The following SGF29 variants were observed in gnomAD, a reference collection of about 807,000 sequenced individuals.
SGF29 encodes SAGA-associated factor 29.
SGF29 carries 15 observed loss-of-function variants against 38.1 expected under a neutral mutation model. The observed-to-expected ratio is 0.39, with a 90% confidence interval of 0.26 to 0.61. The LOEUF is 0.61. SGF29 is among the 20% of genes least tolerant of loss of function. The probability of loss-of-function intolerance (pLI) is 0.49; values close to 1 mark genes in which losing one functional copy is unlikely to be tolerated. For synonymous variants in SGF29, 151 were observed against 160.8 expected, an observed-to-expected ratio of 0.94 and a Z score of 0.46; for missense variants, 184 against 394.6, an observed-to-expected ratio of 0.47 and a Z score of 4.52.
rs919262629 is a variant in SGF29 at position 28,585,646 on chromosome 16, A to G, written c.152-2A>G. ...CTCCTTATCCCTGTGTTTCCTCTGC[A>G]GTTTCTCCCTATTACCGGACAAAGC... is the stretch of plus-strand genomic sequence containing the variant. On this transcript the variant is annotated splice_acceptor_variant, in intron 3 of 9. Transcript: ENST00000317058. LOFTEE classifies it high-confidence loss of function. 4 of 1,614,020 alleles carry G rather than the reference A, an allele frequency of 2.5e-6. No homozygotes were observed. The highest frequency in any genetic ancestry group is 3.3e-5 in the Admixed American group (2 of 60,018).
chr16:28,554,317 C>G (rs372229245), intron 1 of SGF29, among the ~76,000 whole-genome samples: 1 of 151,628 alleles, frequency 6.6e-6, no homozygotes. Flanking sequence ...CCCGGCCGCT[C>G]GAGGTCTGCG....
chr16:28,560,951 ACT>A (rs982350727), intron 1 of SGF29, among the ~76,000 whole-genome samples: 5 of 135,260 alleles, frequency 3.7e-5, no homozygotes, highest in African/African-American at 5.3e-5. Context: ...ACAGAGCAAG[ACT>A]CTGTCTCAAA....
chr16:28,590,125 T>G lies in SGF29; in HGVS notation c.319T>G (p.Ser107Ala), dbSNP rs1159118899. 6.2e-7 allele frequency: 1 copy of G among 1,611,880 alleles called. No homozygotes were observed. The highest frequency in any genetic ancestry group is 8.5e-7 in the Non-Finnish European group (1 of 1,179,364). The change falls in exon 6 of 10, where the codon TCG (serine) becomes GCG (alanine). Residue 107 changes from serine to alanine, a missense_variant. By Grantham distance (99) the Ser-to-Ala change is moderately conservative. This residue lies in a region of SGF29 where 107 missense variants were observed against 276.9 expected (regional missense o/e 0.39). Coordinates refer to ENST00000317058, the MANE Select transcript of SGF29 (RefSeq NM_138414.3). This position sits in a 1 kb window ranked among gnomAD's most constrained non-coding sequence, Gnocchi z 8.2. ...AAKIAGLYND[S>A]EPPRKTMRRG... is the part of the protein sequence containing the mutation. ...CAAGATTGCCGGTCTCTACAATGACTCGGAGCCACCCCGGAAGACCATGCG... is the reference window on the plus strand; with the variant it reads ...CAAGATTGCCGGTCTCTACAATGACGCGGAGCCACCCCGGAAGACCATGCG...
chr16:28,589,430 G>T (rs1280478804), intron 5 of SGF29: 6 of 457,154 alleles, frequency 1.3e-5, no homozygotes, highest in Non-Finnish European at 2.4e-5. Flanking sequence ...GCCTGGGCCA[G>T]TCGCCCCCTC....
intron 1 of SGF29, among the ~76,000 whole-genome samples, chr16:28,555,256 G>A (rs1022563818): frequency 6.6e-6 from 1 of 152,038 alleles, no homozygotes; most frequent in Non-Finnish European, 1.5e-5. Context: ...CTGAGCTCAG[G>A]GGTTTGAGAC....
chr16:28,590,908 C>T lies in SGF29; in HGVS notation c.738C>T (p.Arg246=), dbSNP rs775308357. 3.0e-5 allele frequency: 48 copies of T among 1,612,294 alleles called. No individual in the cohort carries two copies. Among genetic ancestry groups the T allele is most frequent in the Middle Eastern group, 1.7e-4 (1 of 6,030 alleles). The change falls in exon 9 of 10, where the codon CGC becomes CGT. Residue 246 remains arginine, a synonymous_variant. Transcript: ENST00000317058. This position sits in a 1 kb window ranked among gnomAD's most constrained non-coding sequence, Gnocchi z 8.2. ...ATCCCCAGACTACCTGCTTCTACCG[C>T]GCCCTGATCCATGCGCCCCCACAGC... ...ALYPQTTCFY[R]ALIHAPPQRP... is the part of the protein sequence containing the mutation.
chr16:28,564,218 C>T (rs2046806768), intron 1 of SGF29, among the ~76,000 whole-genome samples: 1 of 151,984 alleles, frequency 6.6e-6, no homozygotes. Context: ...CAGTGCGGGA[C>T]TGGAAGTGTG....
At chr16:28,589,910 T>A (rs1427689884) in intron 5 of SGF29, among the ~76,000 whole-genome samples, 186 bp from the exon 6 acceptor site, 1 of 152,120 alleles carries the variant, frequency 6.6e-6, no homozygotes, top group Non-Finnish European at 1.5e-5. Flanking sequence ...CACCCAACTG[T>A]AGTTAAACCC....
chr16:28,564,777 A>ATATGTATATATG (rs1464271605), intron 1 of SGF29, among the ~76,000 whole-genome samples: 6 of 87,020 alleles, frequency 6.9e-5, no homozygotes, highest in Non-Finnish European at 1.4e-4. Context: ...ATATATGTAT[A>ATATGTATATATG]TATATATATA....
At chr16:28,583,500 T>C (rs2046938452) in intron 2 of SGF29, among the ~76,000 whole-genome samples, 1 of 152,238 alleles carries the variant, frequency 6.6e-6, no homozygotes, top group Admixed American at 6.5e-5. Context: ...AACCTCATTT[T>C]GCAGGTTGAG....
intron 1 of SGF29, among the ~76,000 whole-genome samples, chr16:28,573,852 G>A (rs1596602165): frequency 6.6e-6 from 1 of 152,200 alleles, no homozygotes; most frequent in Non-Finnish European, 1.5e-5. Flanking sequence ...GAGGAGAGAG[G>A]AGGTTTGAAG....
intron 1 of SGF29, among the ~76,000 whole-genome samples, chr16:28,577,065 T>C (rs1462032087): frequency 1.3e-5 from 2 of 151,944 alleles, no homozygotes; most frequent in Admixed American, 1.3e-4. Context: ...TCCCAGCTAC[T>C]TGGGAGGCAG....
intron 4 of SGF29, among the ~76,000 whole-genome samples, chr16:28,586,356 T>C (rs1410261747): frequency 1.3e-5 from 2 of 152,034 alleles, no homozygotes; most frequent in African/African-American, 4.8e-5. Context: ...CTGGCTAGCA[T>C]AGCGAAACCC....
chr16:28,553,995 C>G lies in SGF29; in HGVS notation c.-118C>G, dbSNP rs2046726313. The G allele has an allele frequency of 6.6e-6, 1 of 152,284 alleles. No individual in the cohort carries two copies. The highest frequency in any genetic ancestry group is 2.4e-5 in the African/African-American group (1 of 41,462). The allele number at this position is 152,284 out of a possible 1,614,324, so 9.4% of individuals were successfully genotyped here. ...TCGACGTGCCGCCAATCTTCGAACG[C>G]AGGTCTGTGATCATCCGCAGACTCC... On this transcript the variant is annotated 5_prime_UTR_variant, in exon 1 of 10. Transcript: ENST00000317058.
chr16:28,574,069 C>T (rs1459468910), intron 1 of SGF29, among the ~76,000 whole-genome samples: 1 of 152,168 alleles, frequency 6.6e-6, no homozygotes, highest in Non-Finnish European at 1.5e-5. Context: ...TACGGGTTTG[C>T]AGCAATCTCA....
intron 1 of SGF29, among the ~76,000 whole-genome samples, chr16:28,574,571 G>C (rs536645246): frequency 3.7e-4 from 56 of 152,310 alleles, no homozygotes; most frequent in African/African-American, 1.3e-3. Context: ...GGGTGGGGGA[G>C]AGCCCTCTCC....
chr16:28,577,423 G>T (rs1750373052), intron 1 of SGF29, among the ~76,000 whole-genome samples: 1 of 151,404 alleles, frequency 6.6e-6, no homozygotes, highest in Non-Finnish European at 1.5e-5. Flanking sequence ...TCCCCACCCA[G>T]CTTTCTATGG....
intron 1 of SGF29, among the ~76,000 whole-genome samples, chr16:28,554,384 C>G (rs547797126): frequency 6.6e-6 from 1 of 152,058 alleles, no homozygotes; most frequent in South Asian, 2.1e-4. Context: ...GGGCTCGGCA[C>G]GGACGCAGCT....
At chr16:28,588,625 C>T (rs1029674908) in intron 4 of SGF29, 3 of 432,402 alleles carry the variant, frequency 6.9e-6, no homozygotes, top group Middle Eastern at 7.4e-4. Flanking sequence ...AGTGCAATGA[C>T]GCGATCTCGG....
Sources: allele counts gnomAD v4.1 joint callset (sites outside exome capture counted in the v4.1 genomes callset), GRCh38; gene constraint gnomAD v4.1.1; regional missense constraint gnomAD v4.1.1; non-coding constraint Gnocchi (gnomAD v3.1); transcripts MANE v1.5; gene names NCBI Gene and HGNC (gene_info 2026-07-23, HGNC 2026-07-21).